Variants in C2orf49 observed in about 807,000 individuals in gnomAD.
The protein encoded by C2orf49 is tRNA-splicing ligase complex subunit ASW.
A neutral mutation model predicts 20.6 loss-of-function variants in C2orf49; 11 were observed. That is an observed-to-expected ratio of 0.53 (90% confidence interval 0.34 to 0.88). The LOEUF (loss-of-function observed/expected upper bound fraction) is 0.88, where lower values mean the gene tolerates loss of function less well. C2orf49 is among the 40% of genes least tolerant of loss of function. The pLI, the probability that C2orf49 is intolerant of heterozygous loss-of-function variation, is 0.02. For synonymous variants in C2orf49, 134 were observed against 108.5 expected (o/e 1.24, Z -1.46); for missense variants, 289 against 274.2 (o/e 1.05, Z -0.38).
chr2:105,349,207 A>G lies in C2orf49; in HGVS notation c.*3836A>G, dbSNP rs1347331680. On this transcript the variant is annotated 3_prime_UTR_variant, in exon 4 of 4. Transcript: ENST00000258457. ...GATGCTGTAAATTAAATAACTTGGA[A>G]AAGACTCAGGTAACTTTCTACTTTG... The G allele has an allele frequency of 6.6e-6, 1 of 152,188 alleles. No individual in the cohort carries two copies. Among genetic ancestry groups the G allele is most frequent in the Non-Finnish European group, 1.5e-5 (1 of 68,044 alleles). 9.4% of individuals were successfully genotyped at this position (152,188 alleles called of 1,614,324 possible).
Position 105,348,469 on chromosome 2 carries a change from C to T in C2orf49, c.*3098C>T, listed in dbSNP as rs970957859. On this transcript the variant is annotated 3_prime_UTR_variant, in exon 4 of 4. Transcript: ENST00000258457. Reference sequence around the variant, plus strand: ...TCTAAAATTGATCTAGAGACTCATTCAATAGCAATGTGACCTTTTAAATAC... The same window carrying T: ...TCTAAAATTGATCTAGAGACTCATTTAATAGCAATGTGACCTTTTAAATAC... 2 of 149,838 alleles carry T rather than the reference C, an allele frequency of 1.3e-5. No homozygotes were observed. Among genetic ancestry groups the T allele is most frequent in the Non-Finnish European group, 3.0e-5 (2 of 67,624 alleles). 9.3% of individuals were successfully genotyped at this position (149,838 alleles called of 1,614,324 possible).
At chr2:105,350,330 A>G (rs898505727), downstream of C2orf49, among the ~76,000 whole-genome samples, 1 of 152,244 alleles carries the variant, frequency 6.6e-6, no homozygotes, top group African/African-American at 2.4e-5. Context: ...GCTCCAGTGA[A>G]TGAAAACGGG....
chr2:105,339,720 A>G lies in C2orf49; in HGVS notation c.237A>G (p.Glu79=). 1 of 1,600,094 alleles carries G rather than the reference A, an allele frequency of 6.2e-7. No individual in the cohort carries two copies. The highest frequency in any genetic ancestry group is 8.5e-7 in the Non-Finnish European group (1 of 1,177,070). The change falls in exon 2 of 4, where the codon GAA becomes GAG. Residue 79 remains glutamate (E), a synonymous_variant. Coordinates refer to ENST00000258457, the MANE Select transcript of C2orf49 (RefSeq NM_024093.3). ...RWGKMMEKKR[E]QHEIKNETKR... ...GGAAAATGATGGAAAAGAAAAGAGA[A>G]CAACATGAGATTAAAAATGAGACTA...
At chr2:105,345,167 CCT>C (rs202121370) in intron 3 of C2orf49, 146 bp from the exon 4 acceptor site, 7,416 of 680,304 alleles carry the variant, frequency 0.011, 59 homozygotes, top group Non-Finnish European at 0.014. Flanking sequence ...AGAACTCACC[CCT>C]GTTTCTTTAA....
chr2:105,380,660 T>C, the C2orf49 span, among the ~76,000 whole-genome samples: 3 of 152,182 alleles, frequency 2.0e-5, no homozygotes, highest in South Asian at 2.1e-4. Flanking sequence ...GTAACAGAGA[T>C]AGCACTTCGA....
chr2:105,383,379 A>G, the C2orf49 span, among the ~76,000 whole-genome samples: 3 of 152,248 alleles, frequency 2.0e-5, no homozygotes, highest in Non-Finnish European at 4.4e-5. Flanking sequence ...CACTGGCCAT[A>G]CAAATCAATA....
At chr2:105,368,369 T>C in the C2orf49 span, among the ~76,000 whole-genome samples, 1 of 152,134 alleles carries the variant, frequency 6.6e-6, no homozygotes, top group Non-Finnish European at 1.5e-5. Flanking sequence ...TCTCACTCTG[T>C]CACCCAGGCT....
intron 3 of C2orf49, among the ~76,000 whole-genome samples, chr2:105,344,440 G>A (rs1373128866): frequency 6.6e-6 from 1 of 151,604 alleles, no homozygotes; most frequent in African/African-American, 2.4e-5. Flanking sequence ...TTATAGATAT[G>A]AGATATATAT....
chr2:105,366,923 T>C, the C2orf49 span, among the ~76,000 whole-genome samples: 30 of 152,154 alleles, frequency 2.0e-4, no homozygotes, highest in African/African-American at 7.2e-4. Context: ...GTTGTGTATT[T>C]TTAGTAGAGA....
chr2:105,370,215 C>G, the C2orf49 span, among the ~76,000 whole-genome samples: 3 of 149,668 alleles, frequency 2.0e-5, no homozygotes, highest in Non-Finnish European at 4.5e-5. Flanking sequence ...TCTACCCCCC[C>G]AAAAAAAAAA....
At chr2:105,363,444 G>A in the C2orf49 span, 40 of 1,611,096 alleles carry the variant, frequency 2.5e-5, no homozygotes, top group South Asian at 8.9e-5. Context: ...GGCTGCTCCC[G>A]GTAAGTGACC....
the C2orf49 span, among the ~76,000 whole-genome samples, chr2:105,373,064 T>C: frequency 1.3e-5 from 2 of 152,198 alleles, no homozygotes; most frequent in African/African-American, 4.8e-5. Context: ...CTGTGCCCTT[T>C]TTGACTGTCC....
the C2orf49 span, among the ~76,000 whole-genome samples, chr2:105,361,675 A>G: frequency 6.6e-6 from 1 of 152,342 alleles, no homozygotes; most frequent in South Asian, 2.1e-4. Flanking sequence ...GATAAGTGCG[A>G]TCAAAGAATG....
At chr2:105,353,861 AATATG>A (rs1260563106), downstream of C2orf49, among the ~76,000 whole-genome samples, 1 of 152,258 alleles carries the variant, frequency 6.6e-6, no homozygotes, top group African/African-American at 2.4e-5. Context: ...TTTCTAAAGT[AATATG>A]ATTAAGTGAT....
chr2:105,382,964 C>A, the C2orf49 span, among the ~76,000 whole-genome samples: 1 of 152,222 alleles, frequency 6.6e-6, no homozygotes, highest in Non-Finnish European at 1.5e-5. Context: ...TGGCTCACTG[C>A]AACCTCTACC....
At chr2:105,350,754 AAAAT>A (rs1679912929), downstream of C2orf49, among the ~76,000 whole-genome samples, 2 of 152,232 alleles carry the variant, frequency 1.3e-5, no homozygotes, top group South Asian at 4.1e-4. Flanking sequence ...AAACTTTTAA[AAAAT>A]AAACTAGGAC....
the C2orf49 span, among the ~76,000 whole-genome samples, chr2:105,370,032 G>T: frequency 6.6e-6 from 1 of 152,186 alleles, no homozygotes; most frequent in South Asian, 2.1e-4. Flanking sequence ...CAAGTCTCCC[G>T]CAGGCGGAAG....
intron 1 of C2orf49, 51 bp downstream of exon 1, chr2:105,337,737 C>G: frequency 6.9e-7 from 1 of 1,446,516 alleles, no homozygotes; most frequent in Non-Finnish European, 9.3e-7. Flanking sequence ...CCAGGTGAGG[C>G]GCTTGCACCC....
the C2orf49 span, among the ~76,000 whole-genome samples, chr2:105,370,629 C>T: frequency 6.6e-6 from 1 of 152,122 alleles, no homozygotes; most frequent in Non-Finnish European, 1.5e-5. Flanking sequence ...AATGTAAATT[C>T]ACCGCAAAAG....
Sources: gnomAD v4.1 joint callset for allele counts (sites outside exome capture counted in the v4.1 genomes callset) on GRCh38, gnomAD v4.1.1 for gene constraint, MANE v1.5 for transcripts, NCBI Gene and HGNC (gene_info 2026-07-23, HGNC 2026-07-21) for gene names.